PLPP1: variants seen among roughly 807,000 people sequenced by gnomAD.
PLPP1 encodes the protein lipid phosphate phosphohydrolase 1a.
Under a neutral mutation model 31.2 loss-of-function variants are expected in PLPP1, and 24 were observed. That is an observed-to-expected ratio of 0.77 (90% CI 0.56 to 1.08). The LOEUF (loss-of-function observed/expected upper bound fraction) is 1.08, where lower values mean the gene tolerates loss of function less well. PLPP1 is among the 50% of genes least tolerant of loss of function. PLPP1 has a pLI of 0.00. For synonymous variants in PLPP1, 146 were observed against 126.3 expected (o/e 1.16, Z -1.05); for missense variants, 319 against 342.7 (o/e 0.93, Z 0.55).
chr5:55,514,229 A>G (rs556939465), intron 1 of PLPP1, among the ~76,000 whole-genome samples: 8 of 151,918 alleles, frequency 5.3e-5, no homozygotes, highest in African/African-American at 1.9e-4. Flanking sequence ...AGAAACAAGT[A>G]TAAAAATTAG....
At chr5:55,499,191 T>C (rs1200470928) in intron 1 of PLPP1, among the ~76,000 whole-genome samples, 1 of 152,200 alleles carries the variant, frequency 6.6e-6, no homozygotes, top group Non-Finnish European at 1.5e-5. Context: ...CTAGAACCAC[T>C]AGAAACTCTC....
intron 2 of PLPP1, among the ~76,000 whole-genome samples, chr5:55,468,744 A>C (rs1168986337): frequency 6.6e-6 from 1 of 152,170 alleles, no homozygotes; most frequent in Non-Finnish European, 1.5e-5. Context: ...CAGAGGTTGC[A>C]GTGAGCCGAG....
At chr5:55,495,646 G>A (rs533180610) in intron 1 of PLPP1, among the ~76,000 whole-genome samples, 113 of 152,162 alleles carry the variant, frequency 7.4e-4, no homozygotes, top group Non-Finnish European at 1.4e-3. Context: ...TTAGTATTGA[G>A]CATTGTTCAA....
rs1272977651 is a variant in PLPP1 at position 55,462,768 on chromosome 5, G to T, written c.491+5101C>A. Reference sequence around the variant, plus strand: ...GTGGGCGGATCACGAGGTAAGGAGAGCAAGACCATCCTGGCTAAGACGGTG... The same window carrying T: ...GTGGGCGGATCACGAGGTAAGGAGATCAAGACCATCCTGGCTAAGACGGTG... On this transcript the variant is annotated intron_variant, in intron 3 of 5. Transcript: ENST00000307259. Among the ~76,000 whole-genome samples the T allele has an allele frequency of 4.6e-5, 7 of 151,984 alleles. No homozygotes were observed. In the South Asian group the frequency reaches 1.0e-3, roughly 22 times the overall value.
intron 1 of PLPP1, 90 bp downstream of exon 1, chr5:55,534,482 C>A: frequency 1.5e-6 from 2 of 1,333,504 alleles, no homozygotes; most frequent in Admixed American, 2.7e-5. Context: ...ACGCGTCAGG[C>A]AACACACCCC....
At chr5:55,479,023 A>AT (rs11352656) in intron 1 of PLPP1, among the ~76,000 whole-genome samples, 2,406 of 133,074 alleles carry the variant, frequency 0.018, 64 homozygotes, top group African/African-American at 0.054. Flanking sequence ...AGCCTATGAG[A>AT]TTTTTTTTTT....
intron 4 of PLPP1, among the ~76,000 whole-genome samples, chr5:55,427,091 A>T (rs963858450): frequency 2.7e-4 from 1 of 3,722 alleles, no homozygotes; most frequent in Non-Finnish European, 1.5e-3. Flanking sequence ...TCTCATTAAA[A>T]AAAAAAAAAA....
At chr5:55,521,861 A>G (rs923863246) in intron 1 of PLPP1, among the ~76,000 whole-genome samples, 1 of 152,200 alleles carries the variant, frequency 6.6e-6, no homozygotes. Flanking sequence ...CATGTGAAAC[A>G]TTTACCAAAC....
At chr5:55,499,044 C>G (rs868114101) in intron 1 of PLPP1, among the ~76,000 whole-genome samples, 1 of 152,176 alleles carries the variant, frequency 6.6e-6, no homozygotes, top group Non-Finnish European at 1.5e-5. Flanking sequence ...TACTGATCCA[C>G]CCAAAACAAA....
intron 4 of PLPP1, among the ~76,000 whole-genome samples, chr5:55,434,527 A>G (rs1461132371): frequency 1.3e-5 from 2 of 152,228 alleles, no homozygotes; most frequent in African/African-American, 2.4e-5. Flanking sequence ...ACCTGACTTC[A>G]TATTACAAGG....
intron 3 of PLPP1, among the ~76,000 whole-genome samples, chr5:55,453,598 T>C (rs1042071069): frequency 3.9e-5 from 6 of 152,182 alleles, no homozygotes; most frequent in Non-Finnish European, 5.9e-5. Context: ...GAGTAAATAA[T>C]ATTCATAATG....
At chr5:55,499,573 C>T (rs944451323) in intron 1 of PLPP1, among the ~76,000 whole-genome samples, 8 of 152,130 alleles carry the variant, frequency 5.3e-5, no homozygotes, top group African/African-American at 1.9e-4. Context: ...CACAAACATG[C>T]TCCAGAGAAA....
intron 2 of PLPP1, among the ~76,000 whole-genome samples, chr5:55,472,728 G>A (rs1752445302): frequency 6.7e-6 from 1 of 149,060 alleles, no homozygotes; most frequent in African/African-American, 2.5e-5. Context: ...GAGAGAAGAG[G>A]AAGAGGAGGA....
chr5:55,467,914 T>C lies in PLPP1; in HGVS notation c.446A>G (p.Glu149Gly), dbSNP rs2030413632. The stretch of plus-strand genomic sequence containing the variant: ...TGCATTCCCTCGACATATGTAGTAT[T>C]CAATGTAACCATCGCTGCAGTTGAT... ...SKINCSDGYI[E>G]YYICRGNAER... Residue 149 changes from glutamate (E) to glycine (G), a missense_variant, in exon 3 of 6, where the codon GAA (glutamate) becomes GGA (glycine). Transcript: ENST00000307259. 1.2e-6 allele frequency: 2 copies of C among 1,614,182 alleles called. No individual in the cohort carries two copies. Among genetic ancestry groups the C allele is most frequent in the Non-Finnish European group, 1.7e-6 (2 of 1,180,016 alleles).
At chr5:55,476,454 T>C (rs1752553838) in intron 1 of PLPP1, among the ~76,000 whole-genome samples, 1 of 152,196 alleles carries the variant, frequency 6.6e-6, no homozygotes, top group Non-Finnish European at 1.5e-5. Context: ...AATTTTTGCC[T>C]AAATGTGAAC....
intron 4 of PLPP1, among the ~76,000 whole-genome samples, chr5:55,439,989 G>A (rs566364677): frequency 6.4e-4 from 98 of 152,252 alleles, no homozygotes; most frequent in African/African-American, 2.3e-3. Flanking sequence ...TGATTATCAA[G>A]AAACCCCACA....
chr5:55,496,047 G>A (rs1752997148), intron 1 of PLPP1, among the ~76,000 whole-genome samples: 4 of 152,092 alleles, frequency 2.6e-5, no homozygotes, highest in South Asian at 4.2e-4. Flanking sequence ...CAGTAAAGAC[G>A]GGTTTTCACC....
intron 1 of PLPP1, among the ~76,000 whole-genome samples, chr5:55,478,529 A>G (rs1752605160): frequency 6.6e-6 from 1 of 152,188 alleles, no homozygotes; most frequent in South Asian, 2.1e-4. Context: ...TAGGACAGAG[A>G]CAGAGATTTG....
chr5:55,481,530 C>T (rs1407225823), intron 1 of PLPP1, among the ~76,000 whole-genome samples: 1 of 152,138 alleles, frequency 6.6e-6, no homozygotes, highest in African/African-American at 2.4e-5. Context: ...GAAATCCTGA[C>T]ACACAGATGG....
Sources: allele counts gnomAD v4.1 joint callset (sites outside exome capture counted in the v4.1 genomes callset), GRCh38; gene constraint gnomAD v4.1.1; transcripts MANE v1.5; gene names NCBI Gene and HGNC (gene_info 2026-07-23, HGNC 2026-07-21).